Variants in NRXN3 observed in about 807,000 individuals in gnomAD.
NRXN3 encodes the protein neurexin 3.
Under a neutral mutation model 137.6 loss-of-function variants are expected in NRXN3, and 32 were observed. The observed-to-expected ratio is 0.23, with a 90% confidence interval of 0.18 to 0.31. NRXN3 has a LOEUF of 0.31. Among genes scored for constraint, NRXN3 ranks in the 10% least tolerant of loss-of-function variants. The pLI is 1.00. For missense variants in NRXN3, 1,574 were observed against 2,062.5 expected, an observed-to-expected ratio of 0.76 and a Z score of 4.59; for synonymous variants, 798 against 784.5, an observed-to-expected ratio of 1.02 and a Z score of -0.29.
chr14:78,884,037 A>G (rs2099136425), intron 10 of NRXN3, among the ~76,000 whole-genome samples: 1 of 152,188 alleles, frequency 6.6e-6, no homozygotes. Context: ...CTTTTTGTAT[A>G]ATGCTAATGT....
chr14:79,581,532 T>C (rs2097716031), intron 16 of NRXN3, among the ~76,000 whole-genome samples: 1 of 152,206 alleles, frequency 6.6e-6, no homozygotes, highest in South Asian at 2.1e-4. Context: ...TTGCTTAAGC[T>C]CATGGGGTGT....
chr14:78,831,457 C>G (rs1271061862), intron 10 of NRXN3, among the ~76,000 whole-genome samples: 1 of 137,826 alleles, frequency 7.3e-6, no homozygotes, highest in Admixed American at 8.5e-5. Context: ...ATTGCTTGAA[C>G]CCAGGAGGCG....
intron 8 of NRXN3, among the ~76,000 whole-genome samples, chr14:78,786,671 G>T (rs1333311104): frequency 2.0e-5 from 3 of 151,968 alleles, no homozygotes; most frequent in Admixed American, 2.0e-4. Flanking sequence ...ATATTTCAGT[G>T]TTCACAAAAA....
At chr14:79,424,089 A>C (rs187919754) in intron 15 of NRXN3, among the ~76,000 whole-genome samples, 1 of 152,194 alleles carries the variant, frequency 6.6e-6, no homozygotes, top group Non-Finnish European at 1.5e-5. Context: ...AAGAAACTCA[A>C]ATTATCCAGG....
chr14:79,780,957 A>T (rs1455852555), intron 19 of NRXN3, among the ~76,000 whole-genome samples: 1 of 152,146 alleles, frequency 6.6e-6, no homozygotes, highest in East Asian at 1.9e-4. Flanking sequence ...TCTTTTAGCA[A>T]ATCTCAGACA....
chr14:79,753,560 G>GT (rs529223049), intron 19 of NRXN3, among the ~76,000 whole-genome samples: 1,486 of 115,994 alleles, frequency 0.013, 20 homozygotes, highest in Middle Eastern at 0.058. Flanking sequence ...TCACACTCTG[G>GT]GGACTGTTGT....
chr14:78,497,582 TCATC>T (rs3036594), intron 4 of NRXN3, among the ~76,000 whole-genome samples: 14,486 of 150,836 alleles, frequency 0.096, 852 homozygotes, highest in African/African-American at 0.16. Context: ...GTCTGTCCAT[TCATC>T]CATCCATCCA....
chr14:79,819,244 A>G (rs569737368), intron 20 of NRXN3, among the ~76,000 whole-genome samples: 16 of 152,294 alleles, frequency 1.1e-4, no homozygotes, highest in Non-Finnish European at 1.9e-4. Context: ...AAACAAATAA[A>G]TGAGCAGGGC....
chr14:78,561,017 A>AGTGTT (rs2096781411), intron 4 of NRXN3, among the ~76,000 whole-genome samples: 1 of 152,172 alleles, frequency 6.6e-6, no homozygotes, highest in Non-Finnish European at 1.5e-5. Context: ...ATTACTTCCC[A>AGTGTT]AATTTTAGTG....
intron 1 of NRXN3, among the ~76,000 whole-genome samples, chr14:78,174,301 T>C (rs1319333230): frequency 6.6e-6 from 1 of 152,132 alleles, no homozygotes; most frequent in Non-Finnish European, 1.5e-5. Flanking sequence ...CCCTCCCCCA[T>C]ACACATGTGT....
At chr14:79,755,558 G>C (rs1345026942) in intron 19 of NRXN3, among the ~76,000 whole-genome samples, 1 of 149,034 alleles carries the variant, frequency 6.7e-6, no homozygotes, top group Non-Finnish European at 1.5e-5. Context: ...GCTAGAAGTA[G>C]TTTACTGTCT....
chr14:78,337,228 G>A (rs1042806585), intron 4 of NRXN3, among the ~76,000 whole-genome samples: 8 of 152,098 alleles, frequency 5.3e-5, no homozygotes, highest in African/African-American at 1.9e-4. Flanking sequence ...CCAAATGGAA[G>A]AGGGAGGTGC....
intron 16 of NRXN3, among the ~76,000 whole-genome samples, chr14:79,603,796 A>C (rs1567633760): frequency 6.6e-6 from 1 of 152,196 alleles, no homozygotes; most frequent in Non-Finnish European, 1.5e-5. Flanking sequence ...GAATTATCAG[A>C]GTTTACTATG....
At chr14:79,487,650 C>T (rs1052538582) in intron 16 of NRXN3, among the ~76,000 whole-genome samples, 5 of 146,114 alleles carry the variant, frequency 3.4e-5, no homozygotes, top group African/African-American at 1.1e-4. Context: ...ATAATGGCAG[C>T]TGCAGGGTTA....
intron 20 of NRXN3, among the ~76,000 whole-genome samples, chr14:79,847,457 C>T (rs1270512535): frequency 6.6e-6 from 1 of 152,054 alleles, no homozygotes; most frequent in Non-Finnish European, 1.5e-5. Context: ...GAGCTCCTGC[C>T]CTCTACCAAA....
In NRXN3 at chr14:79,222,907, T is replaced by A. The variant is rs141692330; in HGVS notation, c.3262+234766T>A. On this transcript the variant is annotated intron_variant, in intron 15 of 20. Transcript: ENST00000335750. ...TTGAATTTCAAGAGTTTTTAACATA[T>A]TTTGGATAACAGTCCTTTATCATTA... 8.2e-3 allele frequency among the ~76,000 whole-genome samples: 1,249 copies of A among 152,266 alleles called. 12 individuals carry two copies. Among genetic ancestry groups the A allele is most frequent in the Middle Eastern group, 0.017 (5 of 294 alleles).
At chr14:78,584,410 G>A (rs1177412319) in intron 4 of NRXN3, among the ~76,000 whole-genome samples, 2 of 152,198 alleles carry the variant, frequency 1.3e-5, no homozygotes, top group African/African-American at 2.4e-5. Context: ...TTGTTCTAGA[G>A]GAAGGATTTT....
intron 4 of NRXN3, among the ~76,000 whole-genome samples, chr14:78,396,057 T>C (rs2091423000): frequency 6.6e-6 from 1 of 152,064 alleles, no homozygotes; most frequent in Non-Finnish European, 1.5e-5. Context: ...TCTTTTCTTT[T>C]TCTGCCTTCC....
chr14:79,796,617 A>T (rs1481227441), intron 19 of NRXN3, among the ~76,000 whole-genome samples: 1 of 152,202 alleles, frequency 6.6e-6, no homozygotes, highest in Non-Finnish European at 1.5e-5. Flanking sequence ...TCCTCGGCAC[A>T]AAATTTGGCC....
Sources: allele counts gnomAD v4.1 joint callset (sites outside exome capture counted in the v4.1 genomes callset), GRCh38; gene constraint gnomAD v4.1.1; transcripts MANE v1.5; gene names NCBI Gene and HGNC (gene_info 2026-07-23, HGNC 2026-07-21).